LIPK: variants seen among roughly 807,000 people sequenced by gnomAD.
The protein encoded by LIPK is lipase family member K.
Under a neutral mutation model 48.6 loss-of-function variants are expected in LIPK, and 32 were observed. The ratio of observed to expected loss-of-function variants is 0.66; its 90% confidence interval spans 0.50 to 0.88. LIPK has a LOEUF of 0.88. Ranked by LOEUF, LIPK falls within the 40% of genes least tolerant of loss-of-function variation. The probability of loss-of-function intolerance (pLI) is 0.00; values close to 1 mark genes in which losing one functional copy is unlikely to be tolerated. For synonymous variants in LIPK, 164 were observed against 157.4 expected (o/e 1.04, Z -0.32); for missense variants, 507 against 478.5 (o/e 1.06, Z -0.56).
chr10:88,712,607 C>A (rs1233031686), intron 1 of LIPK, among the ~76,000 whole-genome samples: 1 of 151,862 alleles, frequency 6.6e-6, no homozygotes, highest in Admixed American at 6.6e-5. Context: ...TTTATTAATT[C>A]CAGGCTCCAT....
intron 9 of LIPK, among the ~76,000 whole-genome samples, chr10:88,749,827 CT>C (rs767447883): frequency 7.6e-6 from 1 of 131,500 alleles, no homozygotes; most frequent in Non-Finnish European, 1.7e-5. Context: ...AACTAAAGAG[CT>C]TTTGAATAGC....
At position 88,727,799 on chromosome 10, in the gene LIPK, CAGG is replaced by C. The variant is rs148872279; in HGVS notation, c.223+890_223+892del. Reference sequence around the variant, plus strand: ...TCCCAACATCCATGCTGTGAACACCCAGGAGAAGAAGCAGATCAAGACCCTGAA... The same window carrying C: ...TCCCAACATCCATGCTGTGAACACCCAGAAGAAGCAGATCAAGACCCTGAA... On this transcript the variant is annotated intron_variant, in intron 3 of 9. Transcript: ENST00000404190. The C allele has an allele frequency of 2.3e-4, 76 of 326,790 alleles. No individual in the cohort carries two copies. In the East Asian group the frequency reaches 5.4e-3, roughly 23 times the overall value. The allele number at this position is 326,790 out of a possible 1,614,324, so 20.2% of individuals were successfully genotyped here. A position where few individuals can be genotyped will look rare whatever the true frequency, so the allele number is the denominator to read the frequency against.
chr10:88,706,579 G>T (rs1326317339), intron 1 of LIPK, among the ~76,000 whole-genome samples: 1 of 152,148 alleles, frequency 6.6e-6, no homozygotes, highest in Admixed American at 6.6e-5. Flanking sequence ...TCAGTGAGAG[G>T]AGGTATCACA....
intron 9 of LIPK, among the ~76,000 whole-genome samples, chr10:88,752,164 T>G (rs777085231): frequency 7.9e-5 from 12 of 152,142 alleles, no homozygotes; most frequent in Non-Finnish European, 1.8e-4. Context: ...AGAGAAGGGA[T>G]ATTTATCCTA....
intron 1 of LIPK, among the ~76,000 whole-genome samples, chr10:88,712,798 A>T (rs764435087): frequency 6.6e-6 from 1 of 152,172 alleles, no homozygotes; most frequent in Admixed American, 6.5e-5. Flanking sequence ...TACTGTTACC[A>T]TGGGAAGAAG....
intron 9 of LIPK, among the ~76,000 whole-genome samples, chr10:88,752,062 C>T (rs1188290879): frequency 6.6e-6 from 1 of 152,180 alleles, no homozygotes; most frequent in Non-Finnish European, 1.5e-5. Context: ...CATCATACTT[C>T]AAATGTCTTT....
intron 1 of LIPK, among the ~76,000 whole-genome samples, chr10:88,711,779 T>C (rs1842031739): frequency 6.6e-6 from 1 of 152,152 alleles, no homozygotes; most frequent in South Asian, 2.1e-4. Context: ...CCGGCCTATT[T>C]TTTTGATGAT....
At chr10:88,746,190 C>T (rs1263640357) in intron 9 of LIPK, among the ~76,000 whole-genome samples, 2 of 152,256 alleles carry the variant, frequency 1.3e-5, no homozygotes, top group East Asian at 3.9e-4. Context: ...GAGACTTCAA[C>T]ACCCCACTGA....
chr10:88,732,375 T>C, intron 5 of LIPK, 40 bp from the exon 6 acceptor site: 1 of 1,596,972 alleles, frequency 6.3e-7, no homozygotes, highest in South Asian at 1.1e-5. Context: ...GAACAAATAA[T>C]TATCTGAAAA....
In LIPK at chr10:88,743,310, C is replaced by A. The variant is rs761849551; in HGVS notation, c.949C>A (p.His317Asn). The A allele has an allele frequency of 6.3e-7, 1 of 1,589,182 alleles. No homozygotes were observed. Among genetic ancestry groups the A allele is most frequent in the Non-Finnish European group, 8.6e-7 (1 of 1,165,284 alleles). The change falls in exon 9 of 10, where the codon CAC (histidine) becomes AAC (asparagine). Residue 317 changes from histidine (H) to asparagine (N), a missense_variant. By Grantham distance (68) the His-to-Asn change is moderately conservative. Transcript: ENST00000404190. ...DWGNSDQNMM[H>N]FHQLTPPLYN... is the part of the protein sequence containing the mutation. ...GGGAAACTCTGATCAGAACATGATG[C>A]ACTTCCATCAGGTACAAAAATAATC...
chr10:88,719,076 C>T (rs907555283), intron 1 of LIPK, among the ~76,000 whole-genome samples: 2 of 152,078 alleles, frequency 1.3e-5, no homozygotes, highest in Non-Finnish European at 2.9e-5. Flanking sequence ...CCTTAAGAAG[C>T]TTATGAACTA....
intron 9 of LIPK, among the ~76,000 whole-genome samples, chr10:88,747,815 T>G (rs750896485): frequency 6.6e-6 from 1 of 152,206 alleles, no homozygotes; most frequent in Non-Finnish European, 1.5e-5. Context: ...GATGGGAATG[T>G]GAATTAATTC....
intron 8 of LIPK, 78 bp downstream of exon 8, chr10:88,740,145 C>T: frequency 9.7e-7 from 1 of 1,034,760 alleles, no homozygotes; most frequent in Non-Finnish European, 1.4e-6. Flanking sequence ...GAGCTCACTG[C>T]AGGGTTCTGC....
At chr10:88,724,444 T>C (rs1247871482) in intron 1 of LIPK, 89 bp from the exon 2 acceptor site, 2 of 727,178 alleles carry the variant, frequency 2.8e-6, no homozygotes, top group East Asian at 2.7e-5. Flanking sequence ...TTCTGCTCTC[T>C]CTCATAGCAG....
At chr10:88,718,097 T>C (rs1461338731) in intron 1 of LIPK, among the ~76,000 whole-genome samples, 1 of 151,714 alleles carries the variant, frequency 6.6e-6, no homozygotes, top group Non-Finnish European at 1.5e-5. Flanking sequence ...GTTATATAAT[T>C]GCTTTCTTCC....
At chr10:88,712,305 T>C (rs1842041130) in intron 1 of LIPK, among the ~76,000 whole-genome samples, 1 of 152,168 alleles carries the variant, frequency 6.6e-6, no homozygotes, top group Non-Finnish European at 1.5e-5. Flanking sequence ...TAGATAAAAT[T>C]TTACAATGTT....
At chr10:88,721,713 T>A (rs1644426152) in intron 1 of LIPK, among the ~76,000 whole-genome samples, 1 of 152,188 alleles carries the variant, frequency 6.6e-6, no homozygotes, top group African/African-American at 2.4e-5. Context: ...GAGAGCTGGA[T>A]CTGCTCCAAC....
At position 88,732,294 on chromosome 10, in the gene LIPK, T is replaced by C; in HGVS notation, c.532+7T>C. ...TCACAAGGCACCACCATAGGTGTGTTTGGGGCAGATGTGATCAGAGAATGT... is the reference window on the plus strand; with the variant it reads ...TCACAAGGCACCACCATAGGTGTGTCTGGGGCAGATGTGATCAGAGAATGT... On this transcript the variant is annotated splice_region_variant and intron_variant, in intron 5 of 9. Coordinates refer to ENST00000404190, the MANE Select transcript of LIPK (RefSeq NM_001080518.2). The C allele has an allele frequency of 6.2e-7, 1 of 1,610,998 alleles. No individual in the cohort carries two copies. The highest frequency in any genetic ancestry group is 8.5e-7 in the Non-Finnish European group (1 of 1,178,120).
chr10:88,751,523 C>A (rs1365486718), intron 9 of LIPK, among the ~76,000 whole-genome samples: 2 of 151,926 alleles, frequency 1.3e-5, no homozygotes, highest in Non-Finnish European at 2.9e-5. Context: ...CCATGCCCAG[C>A]CAAAAAATTT....
Sources: allele counts gnomAD v4.1 joint callset (sites outside exome capture counted in the v4.1 genomes callset), GRCh38; gene constraint gnomAD v4.1.1; transcripts MANE v1.5; gene names NCBI Gene and HGNC (gene_info 2026-07-23, HGNC 2026-07-21).